ZFHX3: variants seen among roughly 807,000 people sequenced by gnomAD.
ZFHX3 encodes the protein zinc finger homeobox protein 3.
ZFHX3 carries 42 observed loss-of-function variants against 279.1 expected under a neutral mutation model. The ratio of observed to expected loss-of-function variants is 0.15; its 90% CI spans 0.12 to 0.19. ZFHX3 has a LOEUF of 0.19. Among genes scored for constraint, ZFHX3 ranks in the 10% least tolerant of loss-of-function variants. ZFHX3 has a pLI of 1.00. For synonymous variants in ZFHX3, 2,293 were observed against 1,957.8 expected (o/e 1.17, Z -4.52); for missense variants, 4,981 against 4,754.0 (o/e 1.05, Z -1.40).
chr16:73,841,103 G>T (rs561450055), intron 1 of ZFHX3, among the ~76,000 whole-genome samples: 2 of 152,298 alleles, frequency 1.3e-5, no homozygotes, highest in East Asian at 3.9e-4. Flanking sequence ...GCGGAGAAAA[G>T]TCTTCCTTCT....
intron 3 of ZFHX3, among the ~76,000 whole-genome samples, chr16:73,343,615 A>G (rs982077567): frequency 2.0e-5 from 3 of 152,074 alleles, no homozygotes; most frequent in Non-Finnish European, 4.4e-5. Context: ...AATCTTGGCT[A>G]CTCAGGAAGC....
intron 1 of ZFHX3, among the ~76,000 whole-genome samples, chr16:73,865,982 C>T (rs1158550558): frequency 6.6e-6 from 1 of 151,998 alleles, no homozygotes; most frequent in Non-Finnish European, 1.5e-5. Flanking sequence ...AAGACTCCGT[C>T]TCAAACAAAA....
chr16:73,163,056 T>C (rs1409083281), intron 5 of ZFHX3, among the ~76,000 whole-genome samples: 1 of 152,196 alleles, frequency 6.6e-6, no homozygotes, highest in Non-Finnish European at 1.5e-5. Flanking sequence ...TAGGCAGCAT[T>C]TTTCCTGTAC....
intron 3 of ZFHX3, among the ~76,000 whole-genome samples, chr16:73,411,049 G>A (rs2017455727): frequency 6.6e-6 from 1 of 152,182 alleles, no homozygotes; most frequent in Admixed American, 6.5e-5. Context: ...AGCTGCCGAT[G>A]GCATTGAGCA....
At chr16:73,631,872 A>C (rs1344191771) in intron 2 of ZFHX3, among the ~76,000 whole-genome samples, 1 of 142,848 alleles carries the variant, frequency 7.0e-6, no homozygotes, top group Non-Finnish European at 1.5e-5. Context: ...GTGCCATTGC[A>C]CTCCAGCCTG....
chr16:73,440,804 C>G (rs1330812178), intron 3 of ZFHX3, among the ~76,000 whole-genome samples: 1 of 152,178 alleles, frequency 6.6e-6, no homozygotes, highest in Non-Finnish European at 1.5e-5. Context: ...CCCCCAGCTC[C>G]CATGTGTATA....
chr16:73,597,659 G>T (rs552952511), intron 2 of ZFHX3, among the ~76,000 whole-genome samples: 1 of 152,270 alleles, frequency 6.6e-6, no homozygotes, highest in Non-Finnish European at 1.5e-5. Context: ...GCCAAGGATG[G>T]CCAAGGACTG....
At chr16:73,806,318 C>T (rs1960274964) in intron 1 of ZFHX3, among the ~76,000 whole-genome samples, 1 of 152,174 alleles carries the variant, frequency 6.6e-6, no homozygotes, top group South Asian at 2.1e-4. Context: ...GTGCAAAGGC[C>T]TAGAGATAGG....
chr16:73,123,422 G>A (rs1966524211), intron 7 of ZFHX3: 2 of 146,574 alleles, frequency 1.4e-5, no homozygotes, highest in Admixed American at 1.4e-4. Flanking sequence ...TGGCTTACTA[G>A]ATCCTGGAGA....
intron 1 of ZFHX3, among the ~76,000 whole-genome samples, chr16:72,998,201 G>A (rs1963363182): frequency 6.6e-6 from 1 of 152,218 alleles, no homozygotes; most frequent in Admixed American, 6.5e-5. Flanking sequence ...GGGAGTTTGA[G>A]ACCAGCCTGG....
chr16:73,078,032 T>C (rs989001933), intron 8 of ZFHX3, among the ~76,000 whole-genome samples: 10 of 152,210 alleles, frequency 6.6e-5, no homozygotes, highest in Admixed American at 5.9e-4. Context: ...CTCGAACTCC[T>C]GACCTTGGGT....
intron 3 of ZFHX3, among the ~76,000 whole-genome samples, chr16:72,941,232 T>C (rs1401154522): frequency 1.3e-5 from 2 of 152,244 alleles, no homozygotes; most frequent in South Asian, 2.1e-4. Flanking sequence ...GATTTCTTTA[T>C]AGGAAAGCAT....
Position 73,777,369 on chromosome 16 carries a change from G to A in ZFHX3, c.-1607-97129C>T, listed in dbSNP as rs192687244. ...ATATAAAAAATTAGCCAGGTGTGGT[G>A]GCGCGTGCCTGTAGTCTCAGCTACT... is the stretch of plus-strand genomic sequence containing the variant. On this transcript the variant is annotated intron_variant, in intron 1 of 17. Transcript: ENST00000641206. 1.6e-4 allele frequency among the ~76,000 whole-genome samples: 24 copies of A among 152,038 alleles called. 2 individuals are homozygous for A. The highest frequency in any genetic ancestry group is 1.6e-3 in the Admixed American group (24 of 15,280).
intron 7 of ZFHX3, among the ~76,000 whole-genome samples, chr16:73,101,285 C>G (rs1966227730): frequency 6.6e-6 from 1 of 152,186 alleles, no homozygotes; most frequent in Non-Finnish European, 1.5e-5. Flanking sequence ...TCTCCTGAAT[C>G]AGAATTTCTA....
intron 1 of ZFHX3, among the ~76,000 whole-genome samples, chr16:73,807,141 A>T (rs1960297459): frequency 6.6e-6 from 1 of 152,224 alleles, no homozygotes; most frequent in Non-Finnish European, 1.5e-5. Context: ...GAGAAGAGGC[A>T]GCAGGGACCG....
At chr16:73,285,350 C>G (rs1597262159) in intron 4 of ZFHX3, among the ~76,000 whole-genome samples, 1 of 152,124 alleles carries the variant, frequency 6.6e-6, no homozygotes, top group East Asian at 1.9e-4. Context: ...CCATTGGGAC[C>G]ATTACTACCT....
chr16:73,411,520 C>A (rs1347558050), intron 3 of ZFHX3, among the ~76,000 whole-genome samples: 1 of 151,992 alleles, frequency 6.6e-6, no homozygotes, highest in East Asian at 1.9e-4. Context: ...TTTTCAGGAT[C>A]ACATTAAGTG....
At chr16:73,117,105 C>G (rs974935141) in intron 7 of ZFHX3, among the ~76,000 whole-genome samples, 1 of 152,230 alleles carries the variant, frequency 6.6e-6, no homozygotes, top group Non-Finnish European at 1.5e-5. Flanking sequence ...GCTTCAAACT[C>G]TAGGTATGAC....
chr16:72,912,809 C>G (rs528453228), intron 3 of ZFHX3, among the ~76,000 whole-genome samples: 1 of 152,326 alleles, frequency 6.6e-6, no homozygotes, highest in Non-Finnish European at 1.5e-5. Context: ...ATTGCAACCT[C>G]TGCCTCCCAG....
Sources: allele counts gnomAD v4.1 joint callset (sites outside exome capture counted in the v4.1 genomes callset), GRCh38; gene constraint gnomAD v4.1.1; transcripts MANE v1.5; gene names NCBI Gene and HGNC (gene_info 2026-07-23, HGNC 2026-07-21).